The following SLC19A1 variants were observed in gnomAD, a reference collection of about 807,000 sequenced individuals.
SLC19A1 encodes the protein solute carrier family 19 member 1, also known as reduced folate transporter.
In SLC19A1, 37 loss-of-function variants were observed where a neutral mutation model predicts 35.3. That is an observed-to-expected ratio of 1.05 (90% CI 0.81 to 1.38). The LOEUF (loss-of-function observed/expected upper bound fraction) is 1.38. Ranked by LOEUF, SLC19A1 falls within the 40% of genes most tolerant of loss-of-function variation. SLC19A1 has a pLI of 0.00. For missense variants in SLC19A1, 831 were observed against 826.9 expected, an observed-to-expected ratio of 1.00 and a Z score of -0.06; for synonymous variants, 460 against 398.5, an observed-to-expected ratio of 1.15 and a Z score of -1.84.
chr21:45,528,212 G>A (rs769113100), intron 4 of SLC19A1, among the ~76,000 whole-genome samples: 3 of 152,112 alleles, frequency 2.0e-5, no homozygotes, highest in East Asian at 3.9e-4. Flanking sequence ...GCACAAACAC[G>A]AGCTTCTGGA....
chr21:45,543,522 C>CACAA (rs2078373456), upstream of SLC19A1, among the ~76,000 whole-genome samples: 2 of 152,210 alleles, frequency 1.3e-5, no homozygotes, highest in African/African-American at 4.8e-5. Context: ...CGCGACCTGC[C>CACAA]TCCTGGTGTT....
downstream of SLC19A1, chr21:45,507,729 T>C (rs780558543): frequency 1.2e-6 from 1 of 832,774 alleles, no homozygotes. Flanking sequence ...CAGCCCCTGC[T>C]GCAGAAACTG....
rs1254048801 is a variant in SLC19A1 at position 45,534,283 on chromosome 21, C to G, written c.190-2135G>C. Among the ~76,000 whole-genome samples the G allele has an allele frequency of 6.6e-6, 1 of 152,192 alleles. No homozygotes were observed. Among genetic ancestry groups the G allele is most frequent in the African/African-American group, 2.4e-5 (1 of 41,458 alleles). On this transcript the variant is annotated intron_variant, in intron 2 of 5. Coordinates refer to ENST00000311124, the MANE Select transcript of SLC19A1 (RefSeq NM_194255.4). This position sits in a 1 kb window ranked among gnomAD's most constrained non-coding sequence, Gnocchi z 4.2. ...TGCTCGACTGGGGGAGGCTCCTCCT[C>G]AGGGCCAGCCCAGGGAACCCCTGCA... is the stretch of plus-strand genomic sequence containing the variant.
intron 3 of SLC19A1, among the ~76,000 whole-genome samples, chr21:45,504,968 G>A (rs995107397): frequency 6.6e-6 from 1 of 152,092 alleles, no homozygotes; most frequent in African/African-American, 2.4e-5. Context: ...GGAAGAAGGG[G>A]TGATGGTGTG....
downstream of SLC19A1, among the ~76,000 whole-genome samples, chr21:45,508,077 T>G (rs140161591): frequency 6.8e-6 from 1 of 147,104 alleles, no homozygotes; most frequent in Admixed American, 6.7e-5. Context: ...GAGTAGATGG[T>G]GGACAGGTGG....
rs765846672 is a variant in SLC19A1 at position 45,537,798 on chromosome 21, C to A, written c.162G>T (p.Gly54=). The change falls in exon 2 of 6, where the codon GGG becomes GGT. Residue 54 remains glycine, a synonymous_variant. Transcript: ENST00000311124. The stretch of plus-strand genomic sequence containing the variant: ...GCTCCCGCGTGAAGTTCTTGTCGGG[C>A]CCCAGGAGGTAGGGGGTGATGAAGC... ...GESFITPYLL[G]PDKNFTREQV... The A allele has an allele frequency of 7.1e-7, 1 of 1,400,432 alleles. No individual in the cohort carries two copies. The highest frequency in any genetic ancestry group is 3.8e-5 in the East Asian group (1 of 26,550). The allele number at this position is 1,400,432 out of a possible 1,614,324, so 86.8% of individuals were successfully genotyped here.
chr21:45,519,117 AACGTTTTTATACTTC>A (rs1361536278), intron 5 of SLC19A1, among the ~76,000 whole-genome samples: 1 of 152,196 alleles, frequency 6.6e-6, no homozygotes, highest in African/African-American at 2.4e-5. Flanking sequence ...ACATAAAGGC[AACGTTTTTATACTTC>A]ACTCAAACTT....
In SLC19A1 at chr21:45,530,888, T is replaced by C. The variant is rs1001925120; in HGVS notation, c.1033A>G (p.Thr345Ala). The C allele has an allele frequency of 1.3e-6, 2 of 1,482,800 alleles. No homozygotes were observed. The highest frequency in any genetic ancestry group is 1.8e-6 in the Non-Finnish European group (2 of 1,118,712). The allele number at this position is 1,482,800 out of a possible 1,614,324, so 91.9% of individuals were successfully genotyped here. A position where few individuals can be genotyped will look rare whatever the true frequency, so the allele number is the denominator to read the frequency against. The change falls in exon 4 of 6, where the codon ACG becomes GCG. Residue 345 changes from threonine (T) to alanine (A), a missense_variant. By Grantham distance (58) the Thr-to-Ala change is moderately conservative. Coordinates refer to ENST00000311124, the MANE Select transcript of SLC19A1 (RefSeq NM_194255.4). This position sits in a 1 kb window ranked among gnomAD's most constrained non-coding sequence, Gnocchi z 5.3. ...SKLLIAGVTATQAGLVFLLAH... is the reference protein window; with the variant it reads ...SKLLIAGVTAAQAGLVFLLAH... ...AGAAGGAAGACCAGCCCCGCCTGCG[T>C]GGCCGTGACGCCCGCGATGAGCAGC...
At chr21:45,506,568 G>C (rs1190806193) in intron 3 of SLC19A1, 3 of 185,804 alleles carry the variant, frequency 1.6e-5, no homozygotes, top group Non-Finnish European at 3.5e-5. Context: ...GTGCGGCCAT[G>C]CTTGCAGGGC....
chr21:45,537,942 T>G lies in SLC19A1; in HGVS notation c.18A>C (p.Pro6=). The G allele has an allele frequency of 6.3e-7, 1 of 1,577,652 alleles. No individual in the cohort carries two copies. The change falls in exon 2 of 6, where the codon CCA becomes CCC. Residue 6 remains proline, a synonymous_variant. Coordinates refer to ENST00000311124, the MANE Select transcript of SLC19A1 (RefSeq NM_194255.4). MVPSS[P]AVEKQVPVEP... ...CCACGGGCACCTGCTTCTCCACCGCTGGGCTGGAGGGCACCATCCTGCTCA... is the reference window on the plus strand; with the variant it reads ...CCACGGGCACCTGCTTCTCCACCGCGGGGCTGGAGGGCACCATCCTGCTCA...
downstream of SLC19A1, among the ~76,000 whole-genome samples, chr21:45,508,408 ATGAG>A (rs2037367723): frequency 9.2e-6 from 1 of 108,490 alleles, no homozygotes; most frequent in Admixed American, 9.1e-5. Context: ...GGATAGGTAG[ATGAG>A]TGGATGAATG....
chr21:45,509,486 G>A (rs370102608), downstream of SLC19A1: 30 of 1,523,356 alleles, frequency 2.0e-5, no homozygotes, highest in East Asian at 2.4e-5. Context: ...AGCCCCCCTC[G>A]CCTGCCCGAG....
Position 45,517,067 on chromosome 21 carries a change from C to A in SLC19A1, c.1294-927G>T, listed in dbSNP as rs1217868603. On this transcript the variant is annotated intron_variant, in intron 5 of 5. Coordinates refer to ENST00000311124, the MANE Select transcript of SLC19A1 (RefSeq NM_194255.4). The surrounding 1 kb of genome is among the most constrained non-coding windows in gnomAD (Gnocchi z 4.4). ...TCGGGGTCTGGGGAGCTGTGCCACA[C>A]AAGGGCAGACTGGCCGGGCCCTCGG... is the stretch of plus-strand genomic sequence containing the variant. Among the ~76,000 whole-genome samples, 1 of 152,032 alleles carries A rather than the reference C, an allele frequency of 6.6e-6. No homozygotes were observed. The highest frequency in any genetic ancestry group is 1.5e-5 in the Non-Finnish European group (1 of 67,990).
intron 3 of SLC19A1, 27 bp downstream of exon 3, chr21:45,531,362 A>C (rs1308113292): frequency 1.9e-6 from 3 of 1,542,098 alleles, no homozygotes; most frequent in South Asian, 2.5e-5. Flanking sequence ...CTGCGGGAAG[A>C]AGCCTCGGGG....
chr21:45,530,713 G>A lies in SLC19A1; in HGVS notation c.1151+57C>T, dbSNP rs1246105853. The stretch of plus-strand genomic sequence containing the variant: ...GGAAGGTGGGAGCACCCAGCGAAGC[G>A]CGGGGCTTGATCCTGGCGCCTGCCC... On this transcript the variant is annotated intron_variant, in intron 4 of 5. Transcript: ENST00000311124. This position sits in a 1 kb window ranked among gnomAD's most constrained non-coding sequence, Gnocchi z 5.3. 1.8e-5 allele frequency: 27 copies of A among 1,513,572 alleles called. No individual in the cohort carries two copies. Among genetic ancestry groups the A allele is most frequent in the Admixed American group, 6.1e-5 (3 of 49,426 alleles). The allele number at this position is 1,513,572 out of a possible 1,614,324, so 93.8% of individuals were successfully genotyped here.
At chr21:45,507,338 G>A (rs979222923) in intron 3 of SLC19A1, 18 of 620,394 alleles carry the variant, frequency 2.9e-5, no homozygotes, top group Non-Finnish European at 5.0e-5. Context: ...AGGGCCGGGT[G>A]CTGGGCAGGG....
chr21:45,519,977 C>G (rs924704410), intron 5 of SLC19A1, among the ~76,000 whole-genome samples: 2 of 152,074 alleles, frequency 1.3e-5, no homozygotes, highest in South Asian at 4.1e-4. Flanking sequence ...CAAATCTTAA[C>G]AAATTTATAA....
chr21:45,509,950 A>C (rs1334709053), downstream of SLC19A1: 1 of 1,244,506 alleles, frequency 8.0e-7, no homozygotes, highest in African/African-American at 1.5e-5. Context: ...CCTCCCGCTC[A>C]GCGCCCCTCG....
rs975846205 is a variant in SLC19A1 at position 45,540,609 on chromosome 21, C to T, written c.-50+1759G>A. Among the ~76,000 whole-genome samples, 6 of 152,202 alleles carry T rather than the reference C, an allele frequency of 3.9e-5. No homozygotes were observed. The highest frequency in any genetic ancestry group is 7.3e-5 in the Non-Finnish European group (5 of 68,038). The stretch of plus-strand genomic sequence containing the variant: ...ACTGACAGAGGCTTGGCCATCACGG[C>T]CCAGACCACCTCCAAGAGGAAAGAT... On this transcript the variant is annotated intron_variant, in intron 1 of 5. Transcript: ENST00000311124. The surrounding 1 kb of genome is among the most constrained non-coding windows in gnomAD (Gnocchi z 5.5).
Sources: allele counts gnomAD v4.1 joint callset (sites outside exome capture counted in the v4.1 genomes callset), GRCh38; gene constraint gnomAD v4.1.1; non-coding constraint Gnocchi (gnomAD v3.1); transcripts MANE v1.5; gene names NCBI Gene and HGNC (gene_info 2026-07-23, HGNC 2026-07-21).